The following KCNK2 variants were observed in gnomAD, a reference collection of about 807,000 sequenced individuals.
KCNK2 encodes the protein potassium two pore domain channel subfamily K member 2, also known as potassium channel subfamily K member 2.
KCNK2 carries 21 observed loss-of-function variants against 40.5 expected under a neutral mutation model. The ratio of observed to expected loss-of-function variants is 0.52; its 90% CI spans 0.37 to 0.75. KCNK2 has a LOEUF of 0.75. KCNK2 is among the 30% of genes least tolerant of loss of function. The pLI is 0.00. For missense variants in KCNK2, 399 were observed against 531.6 expected (o/e 0.75, Z 2.45); for synonymous variants, 191 against 202.2 (o/e 0.94, Z 0.47).
Position 215,137,601 on chromosome 1 carries a change from A to G in KCNK2, c.475+12851A>G, listed in dbSNP as rs554488737. Among the ~76,000 whole-genome samples the G allele has an allele frequency of 2.0e-5, 3 of 152,320 alleles. No individual in the cohort carries two copies. In the East Asian group the frequency reaches 5.8e-4, roughly 29 times the overall value. On this transcript the variant is annotated intron_variant, in intron 3 of 6. Coordinates refer to ENST00000444842, the MANE Select transcript of KCNK2 (RefSeq NM_001017425.3). ...ATACCTGATTTGAATCCTGATTCTA[A>G]TATTTTTTCACTTTGTGCTTTTGAC...
At chr1:215,140,237 GA>G (rs1263063873) in intron 3 of KCNK2, among the ~76,000 whole-genome samples, 2 of 152,122 alleles carry the variant, frequency 1.3e-5, no homozygotes, top group African/African-American at 4.8e-5. Flanking sequence ...TTCTAAGGGG[GA>G]AAAAAGTTTT....
chr1:215,225,869 T>C (rs1476816303), intron 6 of KCNK2, among the ~76,000 whole-genome samples: 1 of 152,164 alleles, frequency 6.6e-6, no homozygotes, highest in African/African-American at 2.4e-5. Flanking sequence ...CAATGGTCCT[T>C]ACCTTCAAAA....
At chr1:215,188,653 T>C (rs1043434195) in intron 5 of KCNK2, among the ~76,000 whole-genome samples, 12 of 152,094 alleles carry the variant, frequency 7.9e-5, no homozygotes, top group Admixed American at 5.9e-4. Context: ...GCACCTTGTG[T>C]TGACTAAGAG....
intron 5 of KCNK2, among the ~76,000 whole-genome samples, chr1:215,180,678 A>G (rs908700739): frequency 2.6e-5 from 4 of 152,116 alleles, no homozygotes; most frequent in African/African-American, 7.2e-5. Context: ...AAAATACTGA[A>G]AAAAAACCCC....
chr1:215,099,633 G>T (rs188245518), intron 2 of KCNK2, among the ~76,000 whole-genome samples: 1 of 151,944 alleles, frequency 6.6e-6, no homozygotes, highest in African/African-American at 2.4e-5. Flanking sequence ...AGTGGTACAT[G>T]TCAGGACAGA....
At chr1:215,074,158 G>T (rs1658854351) in intron 1 of KCNK2, among the ~76,000 whole-genome samples, 1 of 152,164 alleles carries the variant, frequency 6.6e-6, no homozygotes, top group Admixed American at 6.5e-5. Flanking sequence ...TTCCACAAAA[G>T]ACACTTTCTT....
intron 5 of KCNK2, among the ~76,000 whole-genome samples, chr1:215,185,619 A>G (rs534836915): frequency 3.9e-5 from 6 of 152,324 alleles, no homozygotes; most frequent in African/African-American, 1.4e-4. Context: ...TCAATTATTT[A>G]CTGTTTAGAA....
intron 5 of KCNK2, among the ~76,000 whole-genome samples, chr1:215,189,804 A>T (rs1322267149): frequency 6.6e-6 from 1 of 152,224 alleles, no homozygotes; most frequent in Non-Finnish European, 1.5e-5. Flanking sequence ...TAATAACACA[A>T]TAAGATATAC....
At chr1:215,202,128 T>C (rs1246751614) in intron 6 of KCNK2, among the ~76,000 whole-genome samples, 1 of 152,154 alleles carries the variant, frequency 6.6e-6, no homozygotes, top group African/African-American at 2.4e-5. Flanking sequence ...GTTTATGTCT[T>C]ACACTTGTAA....
At chr1:215,062,812 A>G (rs1014523117) in intron 1 of KCNK2, among the ~76,000 whole-genome samples, 1 of 152,016 alleles carries the variant, frequency 6.6e-6, no homozygotes, top group African/African-American at 2.4e-5. Flanking sequence ...TTCACTCTTT[A>G]AACATGTATT....
intron 1 of KCNK2, among the ~76,000 whole-genome samples, chr1:215,015,331 G>A (rs2601607): frequency 0.56 from 85,011 of 151,822 alleles, 25,472 homozygotes; most frequent in South Asian, 0.78. Context: ...GTGTGCACTG[G>A]CTGTGGTTAC....
intron 1 of KCNK2, among the ~76,000 whole-genome samples, chr1:215,026,659 T>C (rs1311598492): frequency 6.6e-6 from 1 of 152,088 alleles, no homozygotes; most frequent in African/African-American, 2.4e-5. Context: ...AGTATCTTTA[T>C]GGTATATCTG....
At chr1:215,063,321 G>C (rs113024785) in intron 1 of KCNK2, among the ~76,000 whole-genome samples, 2 of 152,286 alleles carry the variant, frequency 1.3e-5, no homozygotes, top group African/African-American at 4.8e-5. Context: ...ACTATTGTCA[G>C]AGCTGTAGTC....
intron 3 of KCNK2, among the ~76,000 whole-genome samples, chr1:215,168,366 G>A (rs954805932): frequency 1.3e-5 from 2 of 152,158 alleles, no homozygotes; most frequent in African/African-American, 4.8e-5. Flanking sequence ...TATACCCAAA[G>A]GATTATAAAT....
chr1:215,149,949 G>T (rs1431032850), intron 3 of KCNK2, among the ~76,000 whole-genome samples: 1 of 152,164 alleles, frequency 6.6e-6, no homozygotes, highest in Non-Finnish European at 1.5e-5. Context: ...ATAACTTTAG[G>T]AAGCATTTAG....
intron 3 of KCNK2, among the ~76,000 whole-genome samples, chr1:215,153,589 T>C (rs991124152): frequency 6.6e-6 from 1 of 151,826 alleles, no homozygotes; most frequent in Non-Finnish European, 1.5e-5. Flanking sequence ...TATTTTTTTT[T>C]CTCTGACATC....
intron 6 of KCNK2, among the ~76,000 whole-genome samples, chr1:215,229,995 C>T (rs11120524): frequency 0.51 from 75,671 of 148,396 alleles, 20,627 homozygotes; most frequent in East Asian, 0.61. Context: ...TGAGAACACA[C>T]ACAGATATGC....
intron 1 of KCNK2, among the ~76,000 whole-genome samples, chr1:215,038,048 T>G (rs61223747): frequency 0.034 from 5,240 of 152,154 alleles, 275 homozygotes; most frequent in African/African-American, 0.12. Context: ...ATTCTAGCTC[T>G]TCAGTCTCCT....
At chr1:215,063,649 C>A (rs555636400) in intron 1 of KCNK2, among the ~76,000 whole-genome samples, 5 of 152,232 alleles carry the variant, frequency 3.3e-5, no homozygotes, top group East Asian at 3.9e-4. Flanking sequence ...AATTAATATA[C>A]CACGTTAGCT....
Sources: allele counts gnomAD v4.1 joint callset (sites outside exome capture counted in the v4.1 genomes callset), GRCh38; gene constraint gnomAD v4.1.1; transcripts MANE v1.5; gene names NCBI Gene and HGNC (gene_info 2026-07-23, HGNC 2026-07-21).